The following AIM2 variants were observed in gnomAD, a reference collection of about 807,000 sequenced individuals.
The protein encoded by AIM2 is interferon-inducible protein AIM2.
Under a neutral mutation model 27.7 loss-of-function variants are expected in AIM2, and 30 were observed. The observed-to-expected ratio is 1.08, with a 90% CI of 0.81 to 1.47. The LOEUF (loss-of-function observed/expected upper bound fraction) is 1.47. Among genes scored for constraint, AIM2 ranks in the 40% most tolerant of loss-of-function variants. The pLI is 0.00. For missense variants in AIM2, 358 were observed against 411.3 expected, an observed-to-expected ratio of 0.87 and a Z score of 1.12; for synonymous variants, 141 against 145.3, an observed-to-expected ratio of 0.97 and a Z score of 0.21.
upstream of AIM2, among the ~76,000 whole-genome samples, chr1:159,141,712 G>C (rs545180047): frequency 6.6e-6 from 1 of 152,084 alleles, no homozygotes; most frequent in African/African-American, 2.4e-5. Flanking sequence ...ATCAGCACCA[G>C]AACTGAAAAA....
downstream of AIM2, among the ~76,000 whole-genome samples, chr1:159,059,868 GCAC>G (rs1655774665): frequency 6.6e-6 from 1 of 151,912 alleles, no homozygotes; most frequent in African/African-American, 2.4e-5. Context: ...TGCCTTGATC[GCAC>G]CGTGTCATAT....
At chr1:159,062,421 T>A, downstream of AIM2, 1 of 511,546 alleles carries the variant, frequency 2.0e-6, no homozygotes, top group Middle Eastern at 5.2e-4. Context: ...ATATAATACA[T>A]TGATAAAGTA....
At chr1:159,107,702 T>A (rs1166977230) in intron 1 of AIM2, among the ~76,000 whole-genome samples, 1 of 152,006 alleles carries the variant, frequency 6.6e-6, no homozygotes, top group East Asian at 1.9e-4. Flanking sequence ...AATAAGCTAA[T>A]AAGAAACGAA....
In AIM2 at chr1:159,107,306, ATG is replaced by A. The variant is rs72077036; in HGVS notation, c.-16+33123_-16+33124del. Among the ~76,000 whole-genome samples the A allele has an allele frequency of 4.4e-3, 650 of 146,682 alleles. 1 individual carries two copies. The highest frequency in any genetic ancestry group is 0.021 in the Middle Eastern group (6 of 290). On this transcript the variant is annotated intron_variant, in intron 1 of 2. Coordinates refer to the AIM2 transcript ENST00000368129. ...TAAATCAACAGATGTACATGTGTGT[ATG>A]TGTGTGTGTGTGTGTGTGTGTGTGC... is the stretch of plus-strand genomic sequence containing the variant.
chr1:159,103,271 C>A (rs1657354643), intron 1 of AIM2, among the ~76,000 whole-genome samples: 1 of 152,196 alleles, frequency 6.6e-6, no homozygotes, highest in Non-Finnish European at 1.5e-5. Context: ...CCTAGCCATT[C>A]AGAACTGTGA....
upstream of AIM2, among the ~76,000 whole-genome samples, chr1:159,144,041 T>C (rs1323193221): frequency 6.6e-6 from 1 of 152,254 alleles, no homozygotes; most frequent in Non-Finnish European, 1.5e-5. Flanking sequence ...TTTGAGACTC[T>C]GAGAAAATTG....
At chr1:159,096,920 G>A (rs563348608) in intron 1 of AIM2, among the ~76,000 whole-genome samples, 27 of 152,136 alleles carry the variant, frequency 1.8e-4, no homozygotes, top group South Asian at 1.2e-3. Flanking sequence ...TTCATCCTTC[G>A]ATATTGTCAC....
chr1:159,130,049 GAAACGTCGGCCCTTATCAGCAAC>G (rs1647824403), intron 1 of AIM2, among the ~76,000 whole-genome samples: 1 of 152,146 alleles, frequency 6.6e-6, no homozygotes. Flanking sequence ...AATCCTAAAG[GAAACGTCGGCCCTTATCAGCAAC>G]ATTTGACACT....
At chr1:159,108,768 A>C (rs1468395741) in intron 1 of AIM2, among the ~76,000 whole-genome samples, 1 of 152,196 alleles carries the variant, frequency 6.6e-6, no homozygotes, top group East Asian at 1.9e-4. Flanking sequence ...TGAGAATCAA[A>C]TCAAGAATGC....
At chr1:159,103,644 AT>A (rs1446177119) in intron 1 of AIM2, among the ~76,000 whole-genome samples, 2 of 152,120 alleles carry the variant, frequency 1.3e-5, no homozygotes, top group Non-Finnish European at 2.9e-5. Context: ...CATTTTCCTT[AT>A]TTTTAAGGTG....
rs942963773 is a variant in AIM2 at position 159,076,618 on chromosome 1, C to T, written c.-21+15G>A. 6.6e-6 allele frequency: 1 copy of T among 152,220 alleles called. No homozygotes were observed. The highest frequency in any genetic ancestry group is 2.4e-5 in the African/African-American group (1 of 41,430). The allele number at this position is 152,220 out of a possible 1,614,324, so 9.4% of individuals were successfully genotyped here. ...AAGTCTCTCGTCTCTAACCCAGCTC[C>T]TCTATGGTGCTTACCTCCTGATCCC... is the stretch of plus-strand genomic sequence containing the variant. On this transcript the variant is annotated intron_variant, in intron 1 of 5. Coordinates refer to ENST00000368130, the MANE Select transcript of AIM2 (RefSeq NM_004833.3).
At chr1:159,125,308 G>T (rs1320808444) in intron 1 of AIM2, among the ~76,000 whole-genome samples, 3 of 152,192 alleles carry the variant, frequency 2.0e-5, no homozygotes, top group Non-Finnish European at 4.4e-5. Context: ...CATATTAGCT[G>T]TAGAACAAGC....
Position 159,062,696 on chromosome 1 carries a change from G to GT in AIM2, c.1027dup (p.Thr343AsnfsTer5), listed in dbSNP as rs531843702. On this transcript the variant is annotated frameshift_variant, in exon 6 of 6. Coordinates refer to ENST00000368130, the MANE Select transcript of AIM2 (RefSeq NM_004833.3). LOFTEE classifies it high-confidence loss of function. ...GAATTGGTCCTTTTTACTTCTCTAT[G>GT]TTTTTTTTTTGGCCTTAATAACCTG... 4.8e-3 allele frequency: 6,267 copies of GT among 1,295,578 alleles called. 4 individuals are homozygous for GT. The highest frequency in any genetic ancestry group is 0.015 in the African/African-American group (1,004 of 66,252). 80.3% of individuals were successfully genotyped at this position (1,295,578 alleles called of 1,614,324 possible). A position where few individuals can be genotyped will look rare whatever the true frequency, so the allele number is the denominator to read the frequency against.
rs553538631 is a variant in AIM2, at chr1:159,128,678, T to G, written c.-16+11753A>C. Among the ~76,000 whole-genome samples, 80 of 152,238 alleles carry G rather than the reference T, an allele frequency of 5.3e-4. 3 individuals are homozygous for G. The South Asian group carries it at 0.016, about 31-fold the overall frequency. On this transcript the variant is annotated intron_variant, in intron 1 of 2. Transcript: ENST00000368129. ...GGATCTAGATACTTTAACTCTCAGC[T>G]TCCTCAGTGTTTGCACCCGGGCTGC... is the stretch of plus-strand genomic sequence containing the variant.
At chr1:159,058,160 C>T (rs1655716746), downstream of AIM2, among the ~76,000 whole-genome samples, 1 of 152,160 alleles carries the variant, frequency 6.6e-6, no homozygotes, top group Non-Finnish European at 1.5e-5. Flanking sequence ...TCGAGACCAG[C>T]CTGGCCAACA....
At chr1:159,125,127 G>C (rs1332761852) in intron 1 of AIM2, among the ~76,000 whole-genome samples, 2 of 152,180 alleles carry the variant, frequency 1.3e-5, no homozygotes, top group African/African-American at 4.8e-5. Flanking sequence ...CAGAGCCAGA[G>C]TATGTTGTGA....
chr1:159,110,968 C>T (rs140480290), intron 1 of AIM2, among the ~76,000 whole-genome samples: 5 of 152,004 alleles, frequency 3.3e-5, no homozygotes, highest in African/African-American at 4.8e-5. Flanking sequence ...ATTATACTTA[C>T]GCTAATGTGC....
intron 3 of AIM2, 99 bp from the exon 4 acceptor site, chr1:159,066,428 A>T: frequency 8.0e-7 from 1 of 1,253,442 alleles, no homozygotes; most frequent in South Asian, 1.5e-5. Flanking sequence ...AAGCCAGCAG[A>T]AGATAGGTGG....
upstream of AIM2, among the ~76,000 whole-genome samples, chr1:159,143,587 C>T (rs1188524422): frequency 2.1e-4 from 1 of 4,856 alleles, no homozygotes; most frequent in Non-Finnish European, 5.8e-4. Flanking sequence ...TGTGTACACA[C>T]ACACACACAC....
Sources: allele counts gnomAD v4.1 joint callset (sites outside exome capture counted in the v4.1 genomes callset), GRCh38; gene constraint gnomAD v4.1.1; transcripts MANE v1.5; gene names NCBI Gene and HGNC (gene_info 2026-07-23, HGNC 2026-07-21).